PPP2R5D: variants seen among roughly 807,000 people sequenced by gnomAD.
PPP2R5D encodes protein phosphatase 2 regulatory subunit B'delta.
PPP2R5D carries 12 observed loss-of-function variants against 79.1 expected under a neutral mutation model. The observed-to-expected ratio is 0.15, with a 90% CI of 0.10 to 0.25. The LOEUF (loss-of-function observed/expected upper bound fraction) is 0.25, where lower values mean the gene tolerates loss of function less well. Ranked by LOEUF, PPP2R5D falls within the 10% of genes least tolerant of loss-of-function variation. The pLI is 1.00. For synonymous variants in PPP2R5D, 277 were observed against 286.6 expected, an observed-to-expected ratio of 0.97 and a Z score of 0.34; for missense variants, 419 against 760.2, an observed-to-expected ratio of 0.55 and a Z score of 5.28.
At position 43,012,315 on chromosome 6, in the gene PPP2R5D, A is replaced by C; in HGVS notation, c.*1029A>C. On this transcript the variant is annotated 3_prime_UTR_variant, in exon 16 of 16. Coordinates refer to ENST00000485511, the MANE Select transcript of PPP2R5D (RefSeq NM_006245.4). ...CTTGGACCGATGTCCCCATATGTAC[A>C]GAACTGAATAAAGTGGGTCTCTGAG... 6.9e-7 allele frequency: 1 copy of C among 1,454,130 alleles called. No homozygotes were observed. Among genetic ancestry groups the C allele is most frequent in the Non-Finnish European group, 9.1e-7 (1 of 1,104,354 alleles). The allele number at this position is 1,454,130 out of a possible 1,614,324, so 90.1% of individuals were successfully genotyped here. A position where few individuals can be genotyped will look rare whatever the true frequency, so the allele number is the denominator to read the frequency against.
chr6:43,010,584 C>G lies in PPP2R5D; in HGVS notation c.1481+15C>G. The G allele has an allele frequency of 6.2e-7, 1 of 1,613,140 alleles. No homozygotes were observed. Among genetic ancestry groups the G allele is most frequent in the Non-Finnish European group, 8.5e-7 (1 of 1,179,122 alleles). On this transcript the variant is annotated intron_variant, in intron 13 of 15. Coordinates refer to ENST00000485511, the MANE Select transcript of PPP2R5D (RefSeq NM_006245.4). This position sits in a 1 kb window ranked among gnomAD's most constrained non-coding sequence, Gnocchi z 4.7. The stretch of plus-strand genomic sequence containing the variant: ...GAGAAGCAGAAGTGAGTATCTCTCT[C>G]CCCGGGAGACTTTCATCTTCTACCA...
At chr6:42,985,122 C>T (rs2150246263) in intron 1 of PPP2R5D, among the ~76,000 whole-genome samples, 1 of 152,014 alleles carries the variant, frequency 6.6e-6, no homozygotes, top group African/African-American at 2.4e-5. Flanking sequence ...CCGCCCTGAG[C>T]AGCCCCTTGT....
chr6:43,011,600 C>A lies in PPP2R5D; in HGVS notation c.*314C>A. On this transcript the variant is annotated 3_prime_UTR_variant, in exon 16 of 16. Transcript: ENST00000485511. The stretch of plus-strand genomic sequence containing the variant: ...CTGAGGCTGCTCTGAGAAGTACACA[C>A]AGGAATACATACGCTCCTCTATTCT... 1 of 432,584 alleles carries A rather than the reference C, an allele frequency of 2.3e-6. No individual in the cohort carries two copies. Among genetic ancestry groups the A allele is most frequent in the Non-Finnish European group, 4.2e-6 (1 of 235,762 alleles). 26.8% of individuals were successfully genotyped at this position (432,584 alleles called of 1,614,324 possible). A position where few individuals can be genotyped will look rare whatever the true frequency, so the allele number is the denominator to read the frequency against.
intron 2 of PPP2R5D, among the ~76,000 whole-genome samples, chr6:43,001,692 G>A (rs892965638): frequency 6.6e-6 from 1 of 152,084 alleles, no homozygotes. Context: ...AGATCAGCCT[G>A]GCTAACATGG....
At chr6:43,000,531 C>T (rs1335091063) in intron 2 of PPP2R5D, among the ~76,000 whole-genome samples, 5 of 152,186 alleles carry the variant, frequency 3.3e-5, no homozygotes, top group African/African-American at 9.7e-5. Context: ...GCATGAGCCA[C>T]CGTGCCTGGC....
chr6:42,996,347 C>A (rs1350517831), intron 2 of PPP2R5D, among the ~76,000 whole-genome samples: 2 of 151,600 alleles, frequency 1.3e-5, no homozygotes, highest in African/African-American at 4.8e-5. Flanking sequence ...CGCCTGTAGT[C>A]CCAGCTACTC....
chr6:42,993,703 T>G (rs1771437932), intron 2 of PPP2R5D, among the ~76,000 whole-genome samples: 1 of 152,226 alleles, frequency 6.6e-6, no homozygotes, highest in South Asian at 2.1e-4. Flanking sequence ...CATGTGTCTC[T>G]GTCTCTGTCC....
At chr6:42,991,065 A>G (rs1258359027) in intron 2 of PPP2R5D, among the ~76,000 whole-genome samples, 2 of 152,116 alleles carry the variant, frequency 1.3e-5, no homozygotes, top group Non-Finnish European at 2.9e-5. Context: ...CAGCTCTGTG[A>G]CGATTTGTCC....
At chr6:42,985,282 A>G (rs1770751744) in intron 1 of PPP2R5D, among the ~76,000 whole-genome samples, 1 of 152,044 alleles carries the variant, frequency 6.6e-6, no homozygotes, top group African/African-American at 2.4e-5. Context: ...CTTCCTTCAC[A>G]CACAAACTTG....
At chr6:42,999,560 ATTTGT>A (rs898471350) in intron 2 of PPP2R5D, among the ~76,000 whole-genome samples, 5 of 151,848 alleles carry the variant, frequency 3.3e-5, no homozygotes, top group Non-Finnish European at 7.4e-5. Context: ...ATTTTGTTTC[ATTTGT>A]TTTGTTTTGT....
intron 2 of PPP2R5D, among the ~76,000 whole-genome samples, chr6:42,993,624 C>T (rs1018012715): frequency 3.3e-5 from 5 of 152,216 alleles, no homozygotes; most frequent in African/African-American, 7.2e-5. Flanking sequence ...TGGCTTTTGA[C>T]AATCTTTGGC....
In PPP2R5D at chr6:43,006,988, G is replaced by T. The variant is rs1457044199; in HGVS notation, c.400G>T (p.Asp134Tyr). 1 of 1,614,060 alleles carries T rather than the reference G, an allele frequency of 6.2e-7. No homozygotes were observed. The highest frequency in any genetic ancestry group is 8.5e-7 in the Non-Finnish European group (1 of 1,180,034). Residue 134 changes from aspartate to tyrosine, a missense_variant, in exon 4 of 16, where the codon GAC (aspartate) becomes TAC (tyrosine). By Grantham distance (160) the Asp-to-Tyr change is radical. This residue lies in a region of PPP2R5D where 29 missense variants were observed against 64.2 expected (regional missense o/e 0.45). Coordinates refer to ENST00000485511, the MANE Select transcript of PPP2R5D (RefSeq NM_006245.4). This position sits in a 1 kb window ranked among gnomAD's most constrained non-coding sequence, Gnocchi z 4.7. ...CTGTGTCCTCTTTGACTTCGTGTCAGACCCACTCAGTGACCTCAAATTCAA... is the reference window on the plus strand; with the variant it reads ...CTGTGTCCTCTTTGACTTCGTGTCATACCCACTCAGTGACCTCAAATTCAA... ...QCCVLFDFVS[D>Y]PLSDLKFKEV...
chr6:42,990,139 G>T (rs116067623), intron 2 of PPP2R5D, among the ~76,000 whole-genome samples: 1,698 of 152,288 alleles, frequency 0.011, 30 homozygotes, highest in African/African-American at 0.038. Flanking sequence ...TTGAATGGCA[G>T]CATGACTAAA....
At position 43,012,052 on chromosome 6, in the gene PPP2R5D, A is replaced by C. The variant is rs1803897; in HGVS notation, c.*766A>C. ...GCTTTTCTGTGCTGTTGGTTCCCAA[A>C]ACTAGAAAGAAGGAAGCAGGGAGCG... On this transcript the variant is annotated 3_prime_UTR_variant, in exon 16 of 16. Transcript: ENST00000485511. The C allele has an allele frequency of 1.0e-2, 3,362 of 337,158 alleles. 116 individuals carry two copies. Among genetic ancestry groups the C allele is most frequent in the African/African-American group, 0.069 (3,094 of 44,886 alleles). 20.9% of individuals were successfully genotyped at this position (337,158 alleles called of 1,614,324 possible).
At chr6:43,004,759 CTT>C (rs1190895437) in intron 2 of PPP2R5D, among the ~76,000 whole-genome samples, 19 of 140,078 alleles carry the variant, frequency 1.4e-4, no homozygotes, top group Non-Finnish European at 2.2e-4. Flanking sequence ...GTTTTCTTTT[CTT>C]TTTTTTTTTT....
intron 1 of PPP2R5D, among the ~76,000 whole-genome samples, chr6:42,988,503 A>G (rs1771016443): frequency 6.6e-6 from 1 of 152,226 alleles, no homozygotes; most frequent in Admixed American, 6.5e-5. Context: ...GACAAGTTGC[A>G]TCCAAGGCAT....
chr6:42,995,489 C>G (rs1449804215), intron 2 of PPP2R5D, among the ~76,000 whole-genome samples: 1 of 152,058 alleles, frequency 6.6e-6, no homozygotes, highest in African/African-American at 2.4e-5. Flanking sequence ...CTCACAGATG[C>G]AGTTCCACTG....
At chr6:42,991,593 A>G (rs1771270023) in intron 2 of PPP2R5D, among the ~76,000 whole-genome samples, 1 of 152,186 alleles carries the variant, frequency 6.6e-6, no homozygotes, top group South Asian at 2.1e-4. Flanking sequence ...CGAGAGCTCC[A>G]TGAGGCTCTC....
At chr6:42,996,340 C>T (rs1771686788) in intron 2 of PPP2R5D, among the ~76,000 whole-genome samples, 1 of 151,534 alleles carries the variant, frequency 6.6e-6, no homozygotes, top group African/African-American at 2.4e-5. Flanking sequence ...TGGCGGGCGC[C>T]TGTAGTCCCA....
Sources: gnomAD v4.1 joint callset for allele counts (sites outside exome capture counted in the v4.1 genomes callset) on GRCh38, gnomAD v4.1.1 for gene constraint, gnomAD v4.1.1 regional missense constraint, Gnocchi (gnomAD v3.1) non-coding constraint, MANE v1.5 for transcripts, NCBI Gene and HGNC (gene_info 2026-07-23, HGNC 2026-07-21) for gene names.